SYCP1: variants seen among roughly 807,000 people sequenced by gnomAD.
SYCP1 encodes cancer/testis antigen 8.
In SYCP1, 64 loss-of-function variants were observed where a neutral mutation model predicts 153.1. The ratio of observed to expected loss-of-function variants is 0.42; its 90% CI spans 0.34 to 0.51. SYCP1 has a LOEUF of 0.51. Ranked by LOEUF, SYCP1 falls within the 20% of genes least tolerant of loss-of-function variation. SYCP1 has a pLI of 0.06. For missense variants in SYCP1, 997 were observed against 1,049.0 expected (o/e 0.95, Z 0.68); for synonymous variants, 384 against 341.8 (o/e 1.12, Z -1.36).
intron 27 of SYCP1, among the ~76,000 whole-genome samples, chr1:114,969,467 A>G (rs1184137209): frequency 6.6e-6 from 1 of 152,156 alleles, no homozygotes; most frequent in Admixed American, 6.5e-5. Flanking sequence ...CTGAAGCCTC[A>G]GTAATGGTGG....
At chr1:114,971,983 G>T (rs1672517419) in intron 27 of SYCP1, among the ~76,000 whole-genome samples, 2 of 152,086 alleles carry the variant, frequency 1.3e-5, no homozygotes, top group Admixed American at 6.6e-5. Flanking sequence ...AATAGTTTGA[G>T]CAGGGGTGGT....
intron 17 of SYCP1, among the ~76,000 whole-genome samples, 186 bp from the exon 18 acceptor site, chr1:114,911,293 T>A (rs1445589688): frequency 2.0e-5 from 3 of 152,074 alleles, no homozygotes; most frequent in Admixed American, 2.0e-4. Flanking sequence ...TTACTTATAC[T>A]GAATATGTCA....
chr1:114,966,030 T>C (rs996477254), intron 27 of SYCP1, among the ~76,000 whole-genome samples: 4 of 152,226 alleles, frequency 2.6e-5, no homozygotes, highest in Non-Finnish European at 5.9e-5. Context: ...AGCTTGTTAT[T>C]GGTCTATTCA....
At chr1:114,916,385 C>T (rs2101695240) in intron 20 of SYCP1, among the ~76,000 whole-genome samples, 1 of 152,064 alleles carries the variant, frequency 6.6e-6, no homozygotes, top group South Asian at 2.1e-4. Context: ...ATTTCTATGG[C>T]TTGATGGTTA....
chr1:114,969,290 TC>T (rs973318259), intron 27 of SYCP1, among the ~76,000 whole-genome samples: 2 of 152,066 alleles, frequency 1.3e-5, no homozygotes, highest in Non-Finnish European at 2.9e-5. Flanking sequence ...AGGTGCCCCT[TC>T]CCCCAGGTGC....
Position 114,944,367 on chromosome 1 carries a change from G to A in SYCP1, c.1955G>A (p.Ser652Asn). 1 of 1,604,854 alleles carries A rather than the reference G, an allele frequency of 6.2e-7. No individual in the cohort carries two copies. The highest frequency in any genetic ancestry group is 8.5e-7 in the Non-Finnish European group (1 of 1,175,368). Residue 652 changes from serine to asparagine, a missense_variant, in exon 24 of 32, where the codon AGT becomes AAT. Physicochemically the swap from Ser to Asn is conservative, Grantham distance 46 (BLOSUM62 1). Transcript: ENST00000369522. Reference sequence around the variant, plus strand: ...AATAAATTAGAGTTAGAACTAGAAAGTGCCAAACAGAAATTTGGAGAAATC... The same window carrying A: ...AATAAATTAGAGTTAGAACTAGAAAATGCCAAACAGAAATTTGGAGAAATC... ...KVNKLELELE[S>N]AKQKFGEITD... is the part of the protein sequence containing the mutation.
chr1:114,931,857 A>C (rs1468996210), intron 23 of SYCP1, among the ~76,000 whole-genome samples: 1 of 152,198 alleles, frequency 6.6e-6, no homozygotes. Context: ...TATTATTTTT[A>C]AGATAGACAA....
chr1:114,910,287 TTTAG>T (rs2101667023), intron 16 of SYCP1, 106 bp from the exon 17 acceptor site: 1 of 657,804 alleles, frequency 1.5e-6, no homozygotes, highest in African/African-American at 1.9e-5. Context: ...TTTAAAGAAT[TTTAG>T]CCAGGGGGAA....
At chr1:114,947,130 T>C in intron 26 of SYCP1, 116 bp from the exon 27 acceptor site, 2 of 787,732 alleles carry the variant, frequency 2.5e-6, no homozygotes, top group Non-Finnish European at 4.1e-6. Context: ...ATCTACATTT[T>C]ATGAGTGAAT....
intron 8 of SYCP1, among the ~76,000 whole-genome samples, chr1:114,867,907 C>G (rs1410035362): frequency 6.6e-6 from 1 of 151,960 alleles, no homozygotes; most frequent in Non-Finnish European, 1.5e-5. Context: ...TGTAGATATT[C>G]TTTACTAGAT....
At chr1:114,926,725 C>G (rs1241282975) in intron 23 of SYCP1, among the ~76,000 whole-genome samples, 162 bp downstream of exon 23, 2 of 151,946 alleles carry the variant, frequency 1.3e-5, no homozygotes, top group African/African-American at 4.8e-5. Flanking sequence ...GAGATCAACT[C>G]TTTTAGTTGT....
At chr1:114,858,181 A>C (rs1484777081) in intron 5 of SYCP1, among the ~76,000 whole-genome samples, 2 of 152,084 alleles carry the variant, frequency 1.3e-5, no homozygotes, top group African/African-American at 2.4e-5. Context: ...CCTTTAGTGA[A>C]TCTTCAAACT....
chr1:114,858,808 G>T, intron 6 of SYCP1, 97 bp downstream of exon 6: 1 of 1,061,394 alleles, frequency 9.4e-7, no homozygotes, highest in South Asian at 1.8e-5. Flanking sequence ...GATTGATCTT[G>T]TTTTTGTGAT....
intron 23 of SYCP1, among the ~76,000 whole-genome samples, chr1:114,935,937 G>A (rs1252342785): frequency 6.6e-6 from 1 of 152,104 alleles, no homozygotes; most frequent in Non-Finnish European, 1.5e-5. Flanking sequence ...ATAAGTCCAG[G>A]ACCAGACGGA....
At chr1:114,977,672 CT>C in intron 28 of SYCP1, 56 bp downstream of exon 28, 1 of 1,107,156 alleles carries the variant, frequency 9.0e-7, no homozygotes. Flanking sequence ...CTAACTTCTA[CT>C]TAGAAATGAT....
chr1:114,934,132 A>G (rs1010042445), intron 23 of SYCP1, among the ~76,000 whole-genome samples: 7 of 152,332 alleles, frequency 4.6e-5, no homozygotes, highest in Middle Eastern at 3.4e-3. Flanking sequence ...AGTTGAAATG[A>G]AGGAAAAAAT....
At chr1:114,948,168 G>T (rs1245765914) in intron 27 of SYCP1, among the ~76,000 whole-genome samples, 4 of 151,920 alleles carry the variant, frequency 2.6e-5, no homozygotes, top group Non-Finnish European at 5.9e-5. Flanking sequence ...AGAAAAAAAG[G>T]CTATCTCTGT....
rs1207959128 is a variant in SYCP1 at position 114,876,729 on chromosome 1, T to C, written c.728-8T>C. 3.8e-6 allele frequency: 5 copies of C among 1,315,528 alleles called. No individual in the cohort carries two copies. The highest frequency in any genetic ancestry group is 3.8e-5 in the South Asian group (2 of 52,760). 81.5% of individuals were successfully genotyped at this position (1,315,528 alleles called of 1,614,324 possible). On this transcript the variant is annotated splice_polypyrimidine_tract_variant and splice_region_variant and intron_variant, in intron 10 of 31. Coordinates refer to ENST00000369522, the MANE Select transcript of SYCP1 (RefSeq NM_003176.4). Reference sequence around the variant, plus strand: ...TGACATTACAGTATATTTGTTTTATTTTTAAAGTAAAGGAAGATTATGAAA... The same window carrying C: ...TGACATTACAGTATATTTGTTTTATCTTTAAAGTAAAGGAAGATTATGAAA...
intron 23 of SYCP1, among the ~76,000 whole-genome samples, chr1:114,940,550 A>G (rs1670321746): frequency 6.6e-6 from 1 of 152,166 alleles, no homozygotes; most frequent in African/African-American, 2.4e-5. Flanking sequence ...GCCCTCCTGT[A>G]TCTCTTAATT....
Sources: gnomAD v4.1 joint callset for allele counts (sites outside exome capture counted in the v4.1 genomes callset) on GRCh38, gnomAD v4.1.1 for gene constraint, MANE v1.5 for transcripts, NCBI Gene and HGNC (gene_info 2026-07-23, HGNC 2026-07-21) for gene names.